The following LRP1B variants were observed in gnomAD, a reference collection of about 807,000 sequenced individuals.
LRP1B encodes low-density lipoprotein receptor-related protein 1B.
LRP1B carries 217 observed loss-of-function variants against 556.6 expected under a neutral mutation model. The observed-to-expected ratio is 0.39, with a 90% CI of 0.35 to 0.44. The LOEUF (loss-of-function observed/expected upper bound fraction) is 0.44, where lower values mean the gene tolerates loss of function less well. Ranked by LOEUF, LRP1B falls within the 20% of genes least tolerant of loss-of-function variation. The probability of loss-of-function intolerance (pLI) is 1.00; values close to 1 mark genes in which losing one functional copy is unlikely to be tolerated. For synonymous variants in LRP1B, 2,047 were observed against 1,865.8 expected (o/e 1.10, Z -2.50); for missense variants, 5,053 against 5,620.8 (o/e 0.90, Z 3.23).
rs139297117 is a variant in LRP1B, at chr2:141,169,341, A to G, written c.1013+19080T>C. On this transcript the variant is annotated intron_variant, in intron 7 of 90. Coordinates refer to ENST00000389484, the MANE Select transcript of LRP1B (RefSeq NM_018557.3). ...AAATAAATAAATAAATAAATAAAGA[A>G]GAGATGGGACGTATGTAAGGAATAA... 6.3e-3 allele frequency among the ~76,000 whole-genome samples: 945 copies of G among 150,952 alleles called. 9 individuals are homozygous for G. The highest frequency in any genetic ancestry group is 0.021 in the African/African-American group (874 of 41,070).
intron 1 of LRP1B, among the ~76,000 whole-genome samples, chr2:141,950,958 T>C (rs1266518586): frequency 6.6e-6 from 1 of 152,046 alleles, no homozygotes; most frequent in Non-Finnish European, 1.5e-5. Context: ...GGAGGTTGAG[T>C]AAAGGCCAAA....
chr2:140,451,770 A>T lies in LRP1B; in HGVS notation c.9964-1109T>A, dbSNP rs181437850. On this transcript the variant is annotated intron_variant, in intron 62 of 90. Coordinates refer to ENST00000389484, the MANE Select transcript of LRP1B (RefSeq NM_018557.3). ...AAAAGAGGTAAAAATAAGGCTCAAC[A>T]TTTTTTTTTGGCTGACTTATAAAAA... Among the ~76,000 whole-genome samples, 37 of 151,092 alleles carry T rather than the reference A, an allele frequency of 2.4e-4. 1 individual carries two copies. The East Asian group carries it at 5.4e-3, about 22-fold the overall frequency.
chr2:140,510,458 T>C (rs530624154), intron 51 of LRP1B, among the ~76,000 whole-genome samples: 14 of 152,324 alleles, frequency 9.2e-5, no homozygotes, highest in African/African-American at 3.1e-4. Flanking sequence ...ACATATTAAC[T>C]CATTTATTCC....
chr2:140,774,534 T>A (rs182041542), intron 33 of LRP1B, among the ~76,000 whole-genome samples: 1 of 152,178 alleles, frequency 6.6e-6, no homozygotes, highest in African/African-American at 2.4e-5. Context: ...TATTTTTAAA[T>A]GCTCTGTTTG....
chr2:140,274,315 CGGAATTTTAGA>C (rs1682581430), intron 85 of LRP1B, 98 bp downstream of exon 85: 4 of 992,456 alleles, frequency 4.0e-6, no homozygotes, highest in Non-Finnish European at 3.1e-6. Flanking sequence ...GGGCACAATA[CGGAATTTTAGA>C]ATAAAAACAA....
chr2:140,757,830 G>A (rs1688788471), intron 35 of LRP1B, among the ~76,000 whole-genome samples: 1 of 152,178 alleles, frequency 6.6e-6, no homozygotes, highest in Admixed American at 6.5e-5. Context: ...GCAGTGAGCA[G>A]AGATCATGCC....
intron 86 of LRP1B, among the ~76,000 whole-genome samples, chr2:140,259,934 C>A (rs1243822620): frequency 2.0e-5 from 3 of 151,820 alleles, no homozygotes; most frequent in Admixed American, 1.3e-4. Context: ...CCCACACACA[C>A]AGATGATGAA....
intron 7 of LRP1B, among the ~76,000 whole-genome samples, chr2:141,107,245 TA>T (rs1287973799): frequency 6.6e-6 from 1 of 152,136 alleles, no homozygotes; most frequent in Admixed American, 6.5e-5. Flanking sequence ...ATTATGGAGA[TA>T]AAAATAAACT....
intron 2 of LRP1B, among the ~76,000 whole-genome samples, chr2:141,580,701 T>G (rs1335655505): frequency 1.3e-5 from 2 of 152,184 alleles, no homozygotes; most frequent in Admixed American, 6.5e-5. Flanking sequence ...TTCCCGAACA[T>G]AAAGTTAACC....
chr2:140,688,016 TAC>T (rs1164334616), intron 41 of LRP1B, among the ~76,000 whole-genome samples: 2 of 152,148 alleles, frequency 1.3e-5, no homozygotes, highest in Non-Finnish European at 2.9e-5. Context: ...TTATAATATG[TAC>T]ACTGTCTTTT....
chr2:140,748,827 T>TTATATATATTATATA (rs369730510), intron 35 of LRP1B, among the ~76,000 whole-genome samples: 1 of 80,026 alleles, frequency 1.2e-5, no homozygotes, highest in African/African-American at 4.9e-5. Flanking sequence ...ATAATATATA[T>TTATATATATTATATA]CATATATTAT....
intron 7 of LRP1B, among the ~76,000 whole-genome samples, chr2:141,085,203 T>A (rs1189894978): frequency 6.6e-6 from 1 of 152,046 alleles, no homozygotes; most frequent in Non-Finnish European, 1.5e-5. Flanking sequence ...AGACAAACAT[T>A]TTTTTCCTGT....
In LRP1B at chr2:140,601,465, A is replaced by C; in HGVS notation, c.6974T>G (p.Leu2325Trp). The change falls in exon 42 of 91, where the codon TTG becomes TGG. Residue 2325 changes from leucine (L) to tryptophan (W), a missense_variant. Coordinates refer to ENST00000389484, the MANE Select transcript of LRP1B (RefSeq NM_018557.3). ...SEDDHPHVLA[L>W]DECQNLMFWT... ...TGTTTCTTACTTTTGACATTCATCCAAGGCTAGCACATGTGGATGGTCATC... is the reference window on the plus strand; with the variant it reads ...TGTTTCTTACTTTTGACATTCATCCCAGGCTAGCACATGTGGATGGTCATC... 6.2e-7 allele frequency: 1 copy of C among 1,610,976 alleles called. No homozygotes were observed. Among genetic ancestry groups the C allele is most frequent in the Non-Finnish European group, 8.5e-7 (1 of 1,178,036 alleles).
Position 140,776,082 on chromosome 2 carries a change from C to T in LRP1B, c.5500+16G>A, listed in dbSNP as rs1689487312. 1 of 1,539,764 alleles carries T rather than the reference C, an allele frequency of 6.5e-7. No homozygotes were observed. The highest frequency in any genetic ancestry group is 1.2e-5 in the South Asian group (1 of 82,114). On this transcript the variant is annotated intron_variant, in intron 33 of 90. Coordinates refer to ENST00000389484, the MANE Select transcript of LRP1B (RefSeq NM_018557.3). ...ACGTATTCAAGACCTGGCACAAATTCATTAGTGTGATTTACCTTGCTGTGC... is the reference window on the plus strand; with the variant it reads ...ACGTATTCAAGACCTGGCACAAATTTATTAGTGTGATTTACCTTGCTGTGC...
At chr2:141,995,324 C>T (rs1702460977) in intron 1 of LRP1B, among the ~76,000 whole-genome samples, 1 of 152,106 alleles carries the variant, frequency 6.6e-6, no homozygotes, top group Non-Finnish European at 1.5e-5. Flanking sequence ...CTTATGGCCC[C>T]TTCCTCCATC....
chr2:141,869,963 CT>C (rs1698530199), intron 1 of LRP1B, among the ~76,000 whole-genome samples: 1 of 151,872 alleles, frequency 6.6e-6, no homozygotes, highest in African/African-American at 2.4e-5. Flanking sequence ...GTATTTTTTC[CT>C]TTTATTTACT....
chr2:141,795,139 A>G (rs1695759943), intron 2 of LRP1B, among the ~76,000 whole-genome samples: 1 of 152,120 alleles, frequency 6.6e-6, no homozygotes, highest in Non-Finnish European at 1.5e-5. Context: ...TTATAAGTTT[A>G]AAAGAGTCTG....
chr2:140,335,423 GA>G (rs966854031), intron 78 of LRP1B, among the ~76,000 whole-genome samples, 191 bp downstream of exon 78: 3 of 151,534 alleles, frequency 2.0e-5, no homozygotes, highest in African/African-American at 4.8e-5. Context: ...GAATATTTCA[GA>G]AAAAAAATTT....
intron 66 of LRP1B, among the ~76,000 whole-genome samples, chr2:140,401,495 C>A (rs1457344253): frequency 6.6e-6 from 1 of 152,156 alleles, no homozygotes; most frequent in African/African-American, 2.4e-5. Context: ...CCCCAACCCC[C>A]AAAAGGGCTG....
Sources: gnomAD v4.1 joint callset for allele counts (sites outside exome capture counted in the v4.1 genomes callset) on GRCh38, gnomAD v4.1.1 for gene constraint, MANE v1.5 for transcripts, NCBI Gene and HGNC (gene_info 2026-07-23, HGNC 2026-07-21) for gene names.